Variants in SMOC1 observed in about 807,000 individuals in gnomAD.
The protein encoded by SMOC1 is SPARC related modular calcium binding 1.
A neutral mutation model predicts 56.3 loss-of-function variants in SMOC1; 22 were observed. The observed-to-expected ratio is 0.39, with a 90% CI of 0.28 to 0.56. The LOEUF (loss-of-function observed/expected upper bound fraction) is 0.56, where lower values mean the gene tolerates loss of function less well. Ranked by LOEUF, SMOC1 falls within the 20% of genes least tolerant of loss-of-function variation. SMOC1 has a pLI of 0.61. For synonymous variants in SMOC1, 193 were observed against 215.0 expected, an observed-to-expected ratio of 0.90 and a Z score of 0.89; for missense variants, 509 against 565.4, an observed-to-expected ratio of 0.90 and a Z score of 1.01.
chr14:69,956,399 C>T (rs901040936), intron 3 of SMOC1, among the ~76,000 whole-genome samples: 6 of 150,250 alleles, frequency 4.0e-5, no homozygotes, highest in African/African-American at 1.2e-4. Context: ...GCCAAAATGC[C>T]GGGAGATGAA....
rs185599876 is a variant in SMOC1 at position 69,995,377 on chromosome 14, G to C, written c.664+897G>C. Reference sequence around the variant, plus strand: ...ATGCAAGGAATTATATAGACCAGGAGGTGAATTCACACGCCATCAGTTGAG... The same window carrying C: ...ATGCAAGGAATTATATAGACCAGGACGTGAATTCACACGCCATCAGTTGAG... On this transcript the variant is annotated intron_variant, in intron 7 of 11. Coordinates refer to ENST00000361956, the MANE Select transcript of SMOC1 (RefSeq NM_001034852.3). Among the ~76,000 whole-genome samples the C allele has an allele frequency of 2.3e-3, 345 of 152,306 alleles. 2 individuals carry two copies. Among genetic ancestry groups the C allele is most frequent in the Non-Finnish European group, 1.6e-3 (109 of 68,038 alleles).
chr14:69,929,776 C>A (rs1425410839), intron 1 of SMOC1, among the ~76,000 whole-genome samples: 1 of 152,200 alleles, frequency 6.6e-6, no homozygotes. Flanking sequence ...GGTGGAACTG[C>A]TTCTTACTGG....
chr14:69,885,664 G>T, intron 1 of SMOC1: 1 of 1,447,898 alleles, frequency 6.9e-7, no homozygotes, highest in Non-Finnish European at 9.7e-7. Flanking sequence ...GATCCATGTC[G>T]TGTGAAATCA....
chr14:69,942,239 T>G (rs1882592774), intron 1 of SMOC1, among the ~76,000 whole-genome samples: 1 of 151,472 alleles, frequency 6.6e-6, no homozygotes, highest in Non-Finnish European at 1.5e-5. Context: ...AGGGCCTGTG[T>G]TCTTGTTTAT....
chr14:69,884,000 G>A lies in SMOC1; in HGVS notation c.99+4223G>A, dbSNP rs546233843. Among the ~76,000 whole-genome samples the A allele has an allele frequency of 2.2e-3, 291 of 133,720 alleles. 2 individuals are homozygous for A. The highest frequency in any genetic ancestry group is 3.3e-3 in the Non-Finnish European group (217 of 65,266). 87.7% of individuals were successfully genotyped at this position (133,720 alleles called of 152,430 possible). A position where few individuals can be genotyped will look rare whatever the true frequency, so the allele number is the denominator to read the frequency against. ...TGGCTCACTGCAAGCTCCGCTTCCCGGGTTCACGCCATTCTCCTGCCTCAG... is the reference window on the plus strand; with the variant it reads ...TGGCTCACTGCAAGCTCCGCTTCCCAGGTTCACGCCATTCTCCTGCCTCAG... On this transcript the variant is annotated intron_variant, in intron 1 of 11. Coordinates refer to ENST00000361956, the MANE Select transcript of SMOC1 (RefSeq NM_001034852.3).
chr14:69,997,585 C>A (rs1044436693), intron 7 of SMOC1, among the ~76,000 whole-genome samples: 1 of 152,082 alleles, frequency 6.6e-6, no homozygotes, highest in Non-Finnish European at 1.5e-5. Flanking sequence ...GACTCAAGAG[C>A]ATCTGTGTAA....
intron 5 of SMOC1, among the ~76,000 whole-genome samples, chr14:69,981,967 G>C (rs962052344): frequency 2.6e-5 from 4 of 152,154 alleles, no homozygotes; most frequent in African/African-American, 9.7e-5. Context: ...TGGGGTGAAG[G>C]GGGGCAGTGG....
At chr14:70,023,820 A>AGTGT (rs1359046158) in intron 11 of SMOC1, among the ~76,000 whole-genome samples, 2 of 143,154 alleles carry the variant, frequency 1.4e-5, no homozygotes, top group African/African-American at 5.4e-5. Flanking sequence ...TGTGTGTGTG[A>AGTGT]GTGTGTGTAT....
rs113536991 is a variant in SMOC1 at position 69,994,856 on chromosome 14, A to G, written c.664+376A>G. Among the ~76,000 whole-genome samples the G allele has an allele frequency of 7.6e-3, 1,159 of 152,330 alleles. 16 individuals are homozygous for G. The highest frequency in any genetic ancestry group is 0.026 in the African/African-American group (1,090 of 41,560). On this transcript the variant is annotated intron_variant, in intron 7 of 11. Coordinates refer to ENST00000361956, the MANE Select transcript of SMOC1 (RefSeq NM_001034852.3). ...TTTTGAAGGCTCTAAATAGGTGCTT[A>G]CAGTCATGTCTTCTCTGGTCTGATC...
intron 5 of SMOC1, among the ~76,000 whole-genome samples, chr14:69,986,424 G>A (rs564131070): frequency 6.6e-6 from 1 of 152,196 alleles, no homozygotes; most frequent in African/African-American, 2.4e-5. Context: ...ATCTGAATAA[G>A]GTCCATGGAT....
chr14:69,891,226 G>T, intron 1 of SMOC1, among the ~76,000 whole-genome samples: 1 of 151,424 alleles, frequency 6.6e-6, no homozygotes, highest in East Asian at 2.0e-4. Context: ...GCTGTGTGGA[G>T]CTCAGGTTAA....
chr14:70,027,422 G>A (rs993555095), intron 11 of SMOC1, among the ~76,000 whole-genome samples: 24 of 152,232 alleles, frequency 1.6e-4, no homozygotes, highest in Admixed American at 1.6e-3. Context: ...CCAGCCTGGG[G>A]GCAGCGTGGG....
chr14:69,919,347 G>A (rs1428961417), intron 1 of SMOC1, among the ~76,000 whole-genome samples: 1 of 152,116 alleles, frequency 6.6e-6, no homozygotes, highest in East Asian at 1.9e-4. Context: ...TACCTTTCCA[G>A]CCCTGTGTCT....
chr14:69,965,407 A>AATAATAATAATAAT (rs1883536366), intron 3 of SMOC1, among the ~76,000 whole-genome samples: 1 of 98,088 alleles, frequency 1.0e-5, no homozygotes, highest in Non-Finnish European at 2.4e-5. Flanking sequence ...ATAATAATAA[A>AATAATAATAATAAT]AAGATGACCA....
At position 70,023,210 on chromosome 14, in the gene SMOC1, G is replaced by C; in HGVS notation, c.1054G>C (p.Glu352Gln). Residue 352 changes from glutamate (E) to glutamine (Q), a missense_variant, in exon 11 of 12, where the codon GAG becomes CAG. Glu to Gln is a conservative substitution (Grantham distance 29). Coordinates refer to ENST00000361956, the MANE Select transcript of SMOC1 (RefSeq NM_001034852.3). ...TGTTTGTCCATGGCCCAGGTTCTCA[G>C]AGCCAGACCCCAGCCACACCCTGGA... is the stretch of plus-strand genomic sequence containing the variant. ...AAPTGGGRFS[E>Q]PDPSHTLEER... 6.2e-7 allele frequency: 1 copy of C among 1,614,102 alleles called. No individual in the cohort carries two copies. Among genetic ancestry groups the C allele is most frequent in the South Asian group, 1.1e-5 (1 of 91,072 alleles).
chr14:69,971,362 A>G (rs187938378), intron 3 of SMOC1, among the ~76,000 whole-genome samples: 64 of 152,346 alleles, frequency 4.2e-4, no homozygotes, highest in Admixed American at 5.9e-4. Context: ...CAATATAAGC[A>G]GAAGGTAACC....
At chr14:69,938,578 T>C (rs570400259) in intron 1 of SMOC1, among the ~76,000 whole-genome samples, 1 of 151,916 alleles carries the variant, frequency 6.6e-6, no homozygotes, top group Non-Finnish European at 1.5e-5. Flanking sequence ...CCTTAAGATG[T>C]TGTTGGGCTG....
intron 1 of SMOC1, among the ~76,000 whole-genome samples, chr14:69,919,466 A>G (rs541496527): frequency 5.3e-5 from 8 of 152,348 alleles, no homozygotes; most frequent in African/African-American, 1.9e-4. Flanking sequence ...TAACCACTTC[A>G]ATTATCACTA....
intron 1 of SMOC1, among the ~76,000 whole-genome samples, chr14:69,924,159 C>T (rs549158964): frequency 9.2e-5 from 14 of 152,312 alleles, no homozygotes; most frequent in African/African-American, 2.6e-4. Context: ...ATGGCAACTC[C>T]GCATCACCCA....
Sources: allele counts gnomAD v4.1 joint callset (sites outside exome capture counted in the v4.1 genomes callset), GRCh38; gene constraint gnomAD v4.1.1; transcripts MANE v1.5; gene names NCBI Gene and HGNC (gene_info 2026-07-23, HGNC 2026-07-21).